The following DCP2 variants were observed in gnomAD, a reference collection of about 807,000 sequenced individuals.
DCP2 encodes the protein decapping mRNA 2.
DCP2 carries 30 observed loss-of-function variants against 56.1 expected under a neutral mutation model. The observed-to-expected ratio is 0.53, with a 90% CI of 0.40 to 0.73. The LOEUF (loss-of-function observed/expected upper bound fraction) is 0.73, where lower values mean the gene tolerates loss of function less well. Among genes scored for constraint, DCP2 ranks in the 30% least tolerant of loss-of-function variants. The probability of loss-of-function intolerance (pLI) is 0.00; values close to 1 mark genes in which losing one functional copy is unlikely to be tolerated. For missense variants in DCP2, 533 were observed against 502.7 expected (o/e 1.06, Z -0.58); for synonymous variants, 197 against 163.3 (o/e 1.21, Z -1.57).
At position 113,021,386 on chromosome 5, in the gene DCP2, C is replaced by CA. The variant is rs61532290; in HGVS notation, c.*7920dup. Among the ~76,000 whole-genome samples, 5,874 of 105,452 alleles carry CA rather than the reference C, an allele frequency of 0.056. 142 individuals are homozygous for CA. Among genetic ancestry groups the CA allele is most frequent in the Admixed American group, 0.083 (783 of 9,392 alleles). 69.2% of individuals were successfully genotyped at this position (105,452 alleles called of 152,430 possible). A position where few individuals can be genotyped will look rare whatever the true frequency, so the allele number is the denominator to read the frequency against. On this transcript the variant is annotated 3_prime_UTR_variant, in exon 11 of 11. Transcript: ENST00000389063. The stretch of plus-strand genomic sequence containing the variant: ...CTGTCTGGAAAAAACAAAAAACAAC[C>CA]AAAAAAAAAAAAAAAAAACCCCCAG...
chr5:113,017,370 A>AT lies in DCP2; in HGVS notation c.*3890dup, dbSNP rs1375261121. ...AGGTAAGCAAGTGTTAGTAAAAACA[A>AT]TTTTGTCAAACAGTACTCCTGACAG... On this transcript the variant is annotated 3_prime_UTR_variant, in exon 11 of 11. Transcript: ENST00000389063. 2 of 152,158 alleles carry AT rather than the reference A, an allele frequency of 1.3e-5. No homozygotes were observed. The highest frequency in any genetic ancestry group is 2.9e-5 in the Non-Finnish European group (2 of 68,022). 9.4% of individuals were successfully genotyped at this position (152,158 alleles called of 1,614,324 possible). A position where few individuals can be genotyped will look rare whatever the true frequency, so the allele number is the denominator to read the frequency against.
intron 4 of DCP2, among the ~76,000 whole-genome samples, chr5:112,995,216 A>G (rs1407456542): frequency 6.6e-6 from 1 of 152,210 alleles, no homozygotes; most frequent in Non-Finnish European, 1.5e-5. Context: ...TGAGTAAATG[A>G]AGGTTAATAC....
At chr5:112,984,701 A>ATATATATATATATATATATATAT (rs1181496332) in intron 1 of DCP2, 70 of 79,480 alleles carry the variant, frequency 8.8e-4, no homozygotes, top group African/African-American at 1.9e-3. Flanking sequence ...AAAAAAAAAA[A>ATATATATATATATATATATATAT]AAATATATAT....
intron 4 of DCP2, among the ~76,000 whole-genome samples, chr5:112,997,298 TAATCTC>T (rs1350134108): frequency 6.6e-6 from 1 of 152,236 alleles, no homozygotes; most frequent in Non-Finnish European, 1.5e-5. Context: ...GAAGGCATAA[TAATCTC>T]AATTGTATTT....
chr5:113,010,878 T>C (rs1474781185), intron 10 of DCP2, 71 bp downstream of exon 10: 1 of 1,470,866 alleles, frequency 6.8e-7, no homozygotes, highest in African/African-American at 1.4e-5. Context: ...ACTTTGATTT[T>C]AGTGGGAGTA....
intron 10 of DCP2, among the ~76,000 whole-genome samples, chr5:113,012,339 C>T (rs1441332019): frequency 6.6e-6 from 1 of 152,106 alleles, no homozygotes; most frequent in Non-Finnish European, 1.5e-5. Context: ...GTTTGGGCAA[C>T]AGAATGAGAC....
chr5:112,995,793 G>C (rs1748820326), intron 4 of DCP2, among the ~76,000 whole-genome samples: 1 of 152,232 alleles, frequency 6.6e-6, no homozygotes, highest in African/African-American at 2.4e-5. Flanking sequence ...TTAGGGTGAA[G>C]TGTTGCTGTT....
In DCP2 at chr5:113,010,731, GTGTGTT is replaced by G; in HGVS notation, c.1048-23_1048-18del. ...GTGACTGTGTTGTATGTGTGTGTGTGTGTGTTTTTTTTTTTTTTAAATAGAAGTGTG... is the reference window on the plus strand; with the variant it reads ...GTGACTGTGTTGTATGTGTGTGTGTGTTTTTTTTTTTTAAATAGAAGTGTG... On this transcript the variant is annotated intron_variant, in intron 9 of 10. Transcript: ENST00000389063. 5 of 1,475,112 alleles carry G rather than the reference GTGTGTT, an allele frequency of 3.4e-6. No individual in the cohort carries two copies. Among genetic ancestry groups the G allele is most frequent in the African/African-American group, 1.9e-5 (1 of 51,540 alleles). 91.4% of individuals were successfully genotyped at this position (1,475,112 alleles called of 1,614,324 possible).
chr5:112,996,969 G>T (rs1205937736), intron 4 of DCP2, among the ~76,000 whole-genome samples: 2 of 152,206 alleles, frequency 1.3e-5, no homozygotes, highest in Admixed American at 1.3e-4. Flanking sequence ...AGACAGAAAA[G>T]AGCTGAGGAA....
intron 1 of DCP2, 100 bp from the exon 2 acceptor site, chr5:112,985,735 T>G: frequency 7.3e-7 from 1 of 1,376,722 alleles, no homozygotes; most frequent in Middle Eastern, 1.9e-4. Flanking sequence ...TCTTGGTCCC[T>G]TTTCTCAGTT....
At chr5:112,999,855 G>A (rs1163043134) in intron 4 of DCP2, among the ~76,000 whole-genome samples, 1 of 151,456 alleles carries the variant, frequency 6.6e-6, no homozygotes, top group Non-Finnish European at 1.5e-5. Flanking sequence ...GAGGTCAGGA[G>A]TTTGAGACCA....
chr5:112,991,311 C>G (rs886917143), intron 2 of DCP2, among the ~76,000 whole-genome samples: 1 of 152,050 alleles, frequency 6.6e-6, no homozygotes, highest in African/African-American at 2.4e-5. Flanking sequence ...TTTCTCTATG[C>G]TTTTTTAAAA....
intron 1 of DCP2, among the ~76,000 whole-genome samples, chr5:112,979,031 G>T (rs188306727): frequency 1.3e-5 from 2 of 152,110 alleles, no homozygotes; most frequent in Admixed American, 6.5e-5. Context: ...ACGATTTTAT[G>T]TATGGAACCT....
chr5:113,011,148 C>A (rs1749665557), intron 10 of DCP2, among the ~76,000 whole-genome samples: 3 of 152,126 alleles, frequency 2.0e-5, no homozygotes, highest in African/African-American at 7.2e-5. Context: ...ACTCTCAGAT[C>A]TATATAAGGG....
At chr5:112,995,107 G>C (rs548568553) in intron 4 of DCP2, among the ~76,000 whole-genome samples, 69 of 152,252 alleles carry the variant, frequency 4.5e-4, no homozygotes, top group African/African-American at 1.6e-3. Flanking sequence ...CTTTGTAATA[G>C]AATCAAAAAA....
Position 112,984,703 on chromosome 5 carries a change from A to AAAAAAATATATATAT in DCP2, c.54-1131_54-1130insAAAAATATATATATA. The AAAAAAATATATATAT allele has an allele frequency of 9.3e-5, 6 of 64,858 alleles. No homozygotes were observed. The South Asian group carries it at 1.6e-3, about 17-fold the overall frequency. 4.0% of individuals were successfully genotyped at this position (64,858 alleles called of 1,614,324 possible). ...TTCTTAATTAAAAAAAAAAAAAAAA[A>AAAAAAATATATATAT]ATATATATATATATATATATATTTG... On this transcript the variant is annotated intron_variant, in intron 1 of 10. Transcript: ENST00000389063.
chr5:113,003,904 C>T (rs763753585), intron 7 of DCP2, 38 bp from the exon 8 acceptor site: 2 of 1,610,138 alleles, frequency 1.2e-6, no homozygotes, highest in African/African-American at 1.3e-5. Flanking sequence ...TATAAGTGAA[C>T]ATTTTCTGAT....
chr5:112,999,910 A>C (rs1267821578), intron 4 of DCP2, among the ~76,000 whole-genome samples: 2 of 151,652 alleles, frequency 1.3e-5, no homozygotes, highest in Non-Finnish European at 2.9e-5. Flanking sequence ...AAAATACAAA[A>C]ATTAGCTGGG....
At chr5:112,991,562 T>C (rs982826473) in intron 2 of DCP2, among the ~76,000 whole-genome samples, 2 of 152,194 alleles carry the variant, frequency 1.3e-5, no homozygotes, top group Admixed American at 6.5e-5. Context: ...AAACAATATA[T>C]ATGTGGTAAA....
Sources: allele counts gnomAD v4.1 joint callset (sites outside exome capture counted in the v4.1 genomes callset), GRCh38; gene constraint gnomAD v4.1.1; transcripts MANE v1.5; gene names NCBI Gene and HGNC (gene_info 2026-07-23, HGNC 2026-07-21).